Variants in GRID2 observed in about 807,000 individuals in gnomAD.
GRID2 encodes the protein glutamate ionotropic receptor delta type subunit 2.
In GRID2, 33 loss-of-function variants were observed where a neutral mutation model predicts 114.8. The ratio of observed to expected loss-of-function variants is 0.29; its 90% CI spans 0.22 to 0.38. GRID2 has a LOEUF of 0.38. Ranked by LOEUF, GRID2 falls within the 10% of genes least tolerant of loss-of-function variation. The pLI, the probability that GRID2 is intolerant of heterozygous loss-of-function variation, is 1.00. For missense variants in GRID2, 1,184 were observed against 1,257.7 expected (o/e 0.94, Z 0.89); for synonymous variants, 505 against 449.9 (o/e 1.12, Z -1.55).
intron 1 of GRID2, among the ~76,000 whole-genome samples, chr4:92,455,929 T>C (rs1403650403): frequency 6.6e-6 from 1 of 152,204 alleles, no homozygotes; most frequent in Non-Finnish European, 1.5e-5. Flanking sequence ...CTGCCACTTG[T>C]TGCATTTTTT....
chr4:93,132,849 T>C (rs1179428145), intron 4 of GRID2, among the ~76,000 whole-genome samples: 2 of 152,206 alleles, frequency 1.3e-5, no homozygotes, highest in African/African-American at 4.8e-5. Context: ...GTGAAAGCGC[T>C]CAACTGGTGC....
intron 2 of GRID2, among the ~76,000 whole-genome samples, chr4:93,001,506 A>ATAT (rs1239872848): frequency 6.6e-6 from 1 of 151,784 alleles, no homozygotes; most frequent in East Asian, 1.9e-4. Flanking sequence ...AATAAATAAG[A>ATAT]TATCAAATAC....
chr4:93,368,406 G>GTTT (rs10633842), intron 8 of GRID2, among the ~76,000 whole-genome samples: 18 of 151,358 alleles, frequency 1.2e-4, no homozygotes, highest in African/African-American at 3.4e-4. Context: ...AATAACTAAA[G>GTTT]TTTTTTTTTA....
At chr4:92,587,303 G>A (rs776751270) in intron 1 of GRID2, among the ~76,000 whole-genome samples, 5 of 151,926 alleles carry the variant, frequency 3.3e-5, no homozygotes, top group Non-Finnish European at 5.9e-5. Flanking sequence ...TTACATTTGA[G>A]CAACTATATA....
intron 4 of GRID2, among the ~76,000 whole-genome samples, chr4:93,200,590 C>CAAAA (rs770426101): frequency 1.4e-4 from 21 of 151,536 alleles, no homozygotes; most frequent in Admixed American, 2.6e-4. Flanking sequence ...AACAAACAAA[C>CAAAA]AAAAAAACAT....
intron 2 of GRID2, among the ~76,000 whole-genome samples, chr4:93,020,511 T>TA (rs751058117): frequency 4.6e-4 from 70 of 152,198 alleles, no homozygotes; most frequent in South Asian, 8.3e-4. Flanking sequence ...CAATAAATGG[T>TA]AAAAAAACAT....
chr4:92,333,014 G>C (rs921427731), intron 1 of GRID2, among the ~76,000 whole-genome samples: 1 of 152,118 alleles, frequency 6.6e-6, no homozygotes, highest in Non-Finnish European at 1.5e-5. Context: ...ATAGTTCTGG[G>C]GTCTTGAAGG....
At chr4:93,218,625 A>G (rs1392569714) in intron 6 of GRID2, among the ~76,000 whole-genome samples, 1 of 152,172 alleles carries the variant, frequency 6.6e-6, no homozygotes, top group African/African-American at 2.4e-5. Flanking sequence ...GTGAATATAT[A>G]TGTTTGAATG....
intron 11 of GRID2, among the ~76,000 whole-genome samples, chr4:93,482,616 G>A (rs921713386): frequency 4.0e-5 from 6 of 151,812 alleles, no homozygotes; most frequent in Admixed American, 6.6e-5. Context: ...ACGGGTTGAT[G>A]TTTACAGCAA....
chr4:93,093,686 C>T lies in GRID2; in HGVS notation c.529+8407C>T, dbSNP rs981825972. 7.2e-5 allele frequency among the ~76,000 whole-genome samples: 11 copies of T among 152,086 alleles called. No homozygotes were observed. In the South Asian group the frequency reaches 1.0e-3, roughly 14 times the overall value. ...TGAATCTGAGCATTTTCCCCTCTTC[C>T]CCCAGGGCTGGATAGGTGCTATATC... On this transcript the variant is annotated intron_variant, in intron 3 of 15. Coordinates refer to ENST00000282020, the MANE Select transcript of GRID2 (RefSeq NM_001510.4).
intron 2 of GRID2, among the ~76,000 whole-genome samples, chr4:92,718,845 A>G (rs1735673585): frequency 6.7e-6 from 1 of 149,700 alleles, no homozygotes; most frequent in Non-Finnish European, 1.5e-5. Flanking sequence ...TCTCTTTATT[A>G]TTTATTATCT....
At chr4:93,175,567 T>C (rs908497170) in intron 4 of GRID2, among the ~76,000 whole-genome samples, 2 of 152,202 alleles carry the variant, frequency 1.3e-5, no homozygotes, top group Non-Finnish European at 2.9e-5. Context: ...GGATTTTCTT[T>C]TTCAAAGATA....
chr4:93,227,203 C>T (rs1745585151), intron 7 of GRID2, among the ~76,000 whole-genome samples: 1 of 152,044 alleles, frequency 6.6e-6, no homozygotes. Flanking sequence ...GCAAATAGTA[C>T]TTGACTGCAC....
At chr4:92,715,977 A>G (rs1735525928) in intron 2 of GRID2, among the ~76,000 whole-genome samples, 2 of 152,236 alleles carry the variant, frequency 1.3e-5, no homozygotes, top group African/African-American at 4.8e-5. Context: ...ATGGTTTTCT[A>G]CTTGAGATGT....
chr4:92,506,182 T>G (rs1456677351), intron 1 of GRID2, among the ~76,000 whole-genome samples: 1 of 151,928 alleles, frequency 6.6e-6, no homozygotes, highest in Admixed American at 6.6e-5. Context: ...GGATACAAAA[T>G]ATAGCATGCA....
chr4:93,578,529 G>A (rs1165882236), intron 13 of GRID2, among the ~76,000 whole-genome samples: 2 of 150,732 alleles, frequency 1.3e-5, no homozygotes, highest in East Asian at 3.9e-4. Context: ...ACAAAGCTCG[G>A]AAAGCTGATA....
At chr4:93,611,049 G>T (rs1187723245) in intron 13 of GRID2, among the ~76,000 whole-genome samples, 1 of 127,234 alleles carries the variant, frequency 7.9e-6, no homozygotes, top group Admixed American at 7.6e-5. Context: ...TTGGGAGAGT[G>T]TATGTGTCAA....
At chr4:92,540,785 A>G (rs1369968636) in intron 1 of GRID2, among the ~76,000 whole-genome samples, 1 of 152,152 alleles carries the variant, frequency 6.6e-6, no homozygotes, top group Non-Finnish European at 1.5e-5. Context: ...CAGCCATCCC[A>G]TTACTGGGTA....
intron 2 of GRID2, among the ~76,000 whole-genome samples, chr4:92,983,067 C>T (rs1754313961): frequency 6.6e-6 from 1 of 152,044 alleles, no homozygotes. Flanking sequence ...AAATCTCCCT[C>T]ATGTGAAAAC....
Sources: gnomAD v4.1 joint callset for allele counts (sites outside exome capture counted in the v4.1 genomes callset) on GRCh38, gnomAD v4.1.1 for gene constraint, MANE v1.5 for transcripts, NCBI Gene and HGNC (gene_info 2026-07-23, HGNC 2026-07-21) for gene names.